The following CASS4 variants were observed in gnomAD, a reference collection of about 807,000 sequenced individuals.
CASS4 encodes the protein cas scaffolding protein family member 4.
A neutral mutation model predicts 54.2 loss-of-function variants in CASS4; 22 were observed. The ratio of observed to expected loss-of-function variants is 0.41; its 90% CI spans 0.29 to 0.58. CASS4 has a LOEUF of 0.58. Among genes scored for constraint, CASS4 ranks in the 20% least tolerant of loss-of-function variants. CASS4 has a pLI of 0.36. For missense variants in CASS4, 854 were observed against 986.7 expected (o/e 0.87, Z 1.80); for synonymous variants, 409 against 391.5 (o/e 1.04, Z -0.53).
At chr20:56,445,180 A>G (rs1289943171) in intron 2 of CASS4, among the ~76,000 whole-genome samples, 2 of 151,350 alleles carry the variant, frequency 1.3e-5, no homozygotes, top group African/African-American at 4.9e-5. Flanking sequence ...CAAAATTCAA[A>G]CTCCTTCACT....
chr20:56,458,311 C>T (rs1197528047), intron 5 of CASS4, 29 bp from the exon 6 acceptor site: 1 of 1,583,112 alleles, frequency 6.3e-7, no homozygotes. Flanking sequence ...ATTGAATCTC[C>T]TATCTATTTT....
intron 1 of CASS4, among the ~76,000 whole-genome samples, chr20:56,436,963 C>G (rs943131202): frequency 1.3e-5 from 2 of 152,124 alleles, no homozygotes; most frequent in Non-Finnish European, 2.9e-5. Flanking sequence ...TAAGTCTGCC[C>G]TGAGGATGTG....
At chr20:56,438,482 T>C (rs1980300287) in intron 2 of CASS4, among the ~76,000 whole-genome samples, 1 of 152,144 alleles carries the variant, frequency 6.6e-6, no homozygotes, top group South Asian at 2.1e-4. Flanking sequence ...CACAACAAGC[T>C]GCTGTGCAGT....
Position 56,451,987 on chromosome 20 carries a change from G to A in CASS4, c.811G>A (p.Ala271Thr), listed in dbSNP as rs771671673. Reference sequence around the variant, plus strand: ...CTTTGCGGAAGAATCAAGGCCCCACGCTCTCCCCAGTTCCAGCTCCACTTT... The same window carrying A: ...CTTTGCGGAAGAATCAAGGCCCCACACTCTCCCCAGTTCCAGCTCCACTTT... ...TSFAEESRPH[A>T]LPSSSSTFYN... Residue 271 changes from alanine to threonine, a missense_variant, in exon 5 of 6, where the codon GCT (alanine) becomes ACT (threonine). Physicochemically the swap from Ala to Thr is moderately conservative, Grantham distance 58. Transcript: ENST00000679887. 9 of 1,614,160 alleles carry A rather than the reference G, an allele frequency of 5.6e-6. No individual in the cohort carries two copies. The highest frequency in any genetic ancestry group is 5.0e-5 in the Admixed American group (3 of 60,026).
In CASS4 at chr20:56,431,509, G is replaced by A. The variant is rs983665993; in HGVS notation, c.37-5655G>A. On this transcript the variant is annotated intron_variant, in intron 1 of 5. Coordinates refer to ENST00000679887, the MANE Select transcript of CASS4 (RefSeq NM_020356.4). Reference sequence around the variant, plus strand: ...TATTTAGAGTTTTCCTTTGCTGGGAGTTTACATCCTTTGAAGATGTGGTCT... The same window carrying A: ...TATTTAGAGTTTTCCTTTGCTGGGAATTTACATCCTTTGAAGATGTGGTCT... Among the ~76,000 whole-genome samples the A allele has an allele frequency of 2.0e-5, 3 of 152,318 alleles. No homozygotes were observed. In the South Asian group the frequency reaches 6.2e-4, roughly 32 times the overall value.
At chr20:56,425,635 C>T (rs952139772) in intron 1 of CASS4, among the ~76,000 whole-genome samples, 97 of 152,306 alleles carry the variant, frequency 6.4e-4, no homozygotes, top group African/African-American at 2.2e-3. Flanking sequence ...AAAGGGCTTG[C>T]GTGGTAACGA....
At chr20:56,420,851 A>G (rs1349853896) in intron 1 of CASS4, among the ~76,000 whole-genome samples, 3 of 152,146 alleles carry the variant, frequency 2.0e-5, no homozygotes, top group African/African-American at 7.2e-5. Flanking sequence ...CCAGTTACAT[A>G]AGACATTCTC....
chr20:56,438,925 G>A (rs569528662), intron 2 of CASS4, among the ~76,000 whole-genome samples: 1 of 152,372 alleles, frequency 6.6e-6, no homozygotes, highest in East Asian at 1.9e-4. Context: ...GTGCATGTGT[G>A]CTCTCACACT....
At chr20:56,448,853 A>G (rs1487943295) in intron 3 of CASS4, among the ~76,000 whole-genome samples, 1 of 152,212 alleles carries the variant, frequency 6.6e-6, no homozygotes, top group Non-Finnish European at 1.5e-5. Context: ...TCAGATTTTT[A>G]GGAAGCACAC....
intron 4 of CASS4, among the ~76,000 whole-genome samples, chr20:56,451,270 G>A (rs1411337006): frequency 6.6e-6 from 1 of 152,134 alleles, no homozygotes; most frequent in East Asian, 1.9e-4. Context: ...ATTATGTAAT[G>A]GCTTCTTCTT....
chr20:56,415,703 A>G (rs1190711912), intron 1 of CASS4, among the ~76,000 whole-genome samples: 2 of 152,160 alleles, frequency 1.3e-5, no homozygotes, highest in Admixed American at 6.5e-5. Flanking sequence ...CCTTTCATTC[A>G]GGGCCACCGC....
chr20:56,451,816 C>A lies in CASS4; in HGVS notation c.643-3C>A. ...CCGGCAACTATGTGTGGTTCTCCCA[C>A]AGGGGCAGGGTGTTCCCCTGATATC... is the stretch of plus-strand genomic sequence containing the variant. On this transcript the variant is annotated splice_region_variant and splice_polypyrimidine_tract_variant and intron_variant, in intron 4 of 5. Coordinates refer to ENST00000679887, the MANE Select transcript of CASS4 (RefSeq NM_020356.4). 6.2e-7 allele frequency: 1 copy of A among 1,601,974 alleles called. No individual in the cohort carries two copies. The highest frequency in any genetic ancestry group is 8.5e-7 in the Non-Finnish European group (1 of 1,171,914).
intron 2 of CASS4, among the ~76,000 whole-genome samples, chr20:56,444,945 T>C (rs1379291264): frequency 6.6e-6 from 1 of 152,118 alleles, no homozygotes; most frequent in Non-Finnish European, 1.5e-5. Context: ...ACCCTGTCTC[T>C]ACTGAAAACA....
chr20:56,445,810 G>A (rs889190444), intron 2 of CASS4, 90 bp from the exon 3 acceptor site: 1 of 1,018,572 alleles, frequency 9.8e-7, no homozygotes, highest in East Asian at 2.5e-5. Flanking sequence ...CCACCCAGCT[G>A]TCTCTGCTTT....
At chr20:56,438,686 G>A (rs547579349) in intron 2 of CASS4, among the ~76,000 whole-genome samples, 7 of 152,144 alleles carry the variant, frequency 4.6e-5, no homozygotes, top group Admixed American at 2.0e-4. Context: ...GTGAAACTCC[G>A]TCTCTATTAA....
intron 5 of CASS4, chr20:56,453,988 C>T (rs1981167682): frequency 6.6e-6 from 1 of 152,238 alleles, no homozygotes; most frequent in South Asian, 2.1e-4. Context: ...TGAGACCAGC[C>T]TGGCCAACAT....
rs1980234580 is a variant in CASS4, at chr20:56,437,367, C to T, written c.240C>T (p.Cys80=). 2 of 1,614,058 alleles carry T rather than the reference C, an allele frequency of 1.2e-6. No individual in the cohort carries two copies. Among genetic ancestry groups the T allele is most frequent in the Non-Finnish European group, 1.7e-6 (2 of 1,179,954 alleles). The change falls in exon 2 of 6, where the codon TGC becomes TGT. Residue 80 remains cysteine, a synonymous_variant. Transcript: ENST00000679887. This position sits in a 1 kb window ranked among gnomAD's most constrained non-coding sequence, Gnocchi z 4.7. ...ILTEVAADRP[C]PPFLRGLEEA... ...CGGAGGTCGCTGCAGACAGGCCGTG[C>T]CCCCCATTCCTGAGAGGCCTGGAAG...
Position 56,458,401 on chromosome 20 carries a change from T to C in CASS4, c.2015T>C (p.Leu672Ser). The change falls in exon 6 of 6, where the codon TTA becomes TCA. Residue 672 changes from leucine to serine, a missense_variant. Transcript: ENST00000679887. Reference sequence around the variant, plus strand: ...CAGACTCCTGAGAGGAAACCCCGCTTATCTGAACACTGCCGGCTCTACTTT... The same window carrying C: ...CAGACTCCTGAGAGGAAACCCCGCTCATCTGAACACTGCCGGCTCTACTTT... ...SQQTPERKPR[L>S]SEHCRLYFGA... 6.2e-7 allele frequency: 1 copy of C among 1,614,130 alleles called. No individual in the cohort carries two copies. Among genetic ancestry groups the C allele is most frequent in the South Asian group, 1.1e-5 (1 of 91,076 alleles).
At position 56,450,616 on chromosome 20, in the gene CASS4, G is replaced by A; in HGVS notation, c.579G>A (p.Gln193=). ...PVVLKEPEKQ[Q]LYDIPASPKK... is the part of the protein sequence containing the mutation. ...TTCCCCAGGAGCCAGAGAAGCAGCA[G>A]TTATATGACATACCAGCCAGCCCCA... Residue 193 remains glutamine, a synonymous_variant, in exon 4 of 6, where the codon CAG becomes CAA. Coordinates refer to ENST00000679887, the MANE Select transcript of CASS4 (RefSeq NM_020356.4). 13 of 1,614,140 alleles carry A rather than the reference G, an allele frequency of 8.1e-6. No homozygotes were observed. The highest frequency in any genetic ancestry group is 1.1e-5 in the Non-Finnish European group (13 of 1,180,020).
Sources: gnomAD v4.1 joint callset for allele counts (sites outside exome capture counted in the v4.1 genomes callset) on GRCh38, gnomAD v4.1.1 for gene constraint, Gnocchi (gnomAD v3.1) non-coding constraint, MANE v1.5 for transcripts, NCBI Gene and HGNC (gene_info 2026-07-23, HGNC 2026-07-21) for gene names.